PIGN: variants seen among roughly 807,000 people sequenced by gnomAD.
PIGN encodes the protein GPI ethanolamine phosphate transferase 1.
A neutral mutation model predicts 125.4 loss-of-function variants in PIGN; 117 were observed. The observed-to-expected ratio is 0.93, with a 90% CI of 0.80 to 1.09. The LOEUF is 1.09. Among genes scored for constraint, PIGN ranks in the 50% least tolerant of loss-of-function variants. The pLI is 0.00. For missense variants in PIGN, 1,075 were observed against 1,094.9 expected (o/e 0.98, Z 0.26); for synonymous variants, 392 against 377.8 (o/e 1.04, Z -0.44).
chr18:62,065,722 C>A (rs575142572), intron 30 of PIGN, among the ~76,000 whole-genome samples: 1 of 151,414 alleles, frequency 6.6e-6, no homozygotes, highest in Non-Finnish European at 1.5e-5. Context: ...GGTGACAGAG[C>A]GAGACTCCGT....
intron 1 of PIGN, among the ~76,000 whole-genome samples, chr18:62,182,962 T>C (rs1371753598): frequency 6.6e-6 from 1 of 152,172 alleles, no homozygotes; most frequent in Non-Finnish European, 1.5e-5. Flanking sequence ...GGGGCAATTG[T>C]AGAGATACTG....
At chr18:62,078,502 T>A (rs955462853) in intron 28 of PIGN, among the ~76,000 whole-genome samples, 1 of 152,318 alleles carries the variant, frequency 6.6e-6, no homozygotes, top group East Asian at 1.9e-4. Context: ...CTACTGACTC[T>A]CAGAGGCCTT....
intron 22 of PIGN, among the ~76,000 whole-genome samples, chr18:62,098,112 C>T (rs2034286183): frequency 6.6e-6 from 1 of 152,196 alleles, no homozygotes; most frequent in South Asian, 2.1e-4. Context: ...ACAATTTCAC[C>T]TATACAATGT....
chr18:62,161,392 G>T lies in PIGN; in HGVS notation c.-32-7C>A. The T allele has an allele frequency of 1.4e-6, 2 of 1,390,768 alleles. No homozygotes were observed. The highest frequency in any genetic ancestry group is 1.2e-5 in the South Asian group (1 of 80,990). The allele number at this position is 1,390,768 out of a possible 1,614,324, so 86.2% of individuals were successfully genotyped here. The stretch of plus-strand genomic sequence containing the variant: ...AATTAGTCTTCAAGAACAGCTGAAA[G>T]AGAGAACAAAATTAAATTGGGGTAA... On this transcript the variant is annotated splice_polypyrimidine_tract_variant and splice_region_variant and intron_variant, in intron 3 of 30. Transcript: ENST00000640252.
chr18:62,177,608 T>C (rs1477944771), intron 1 of PIGN, among the ~76,000 whole-genome samples: 2 of 152,226 alleles, frequency 1.3e-5, no homozygotes, highest in Non-Finnish European at 2.9e-5. Context: ...TAACTTTCTG[T>C]TGAAATTTAT....
intron 7 of PIGN, among the ~76,000 whole-genome samples, chr18:62,149,174 G>T (rs2036442045): frequency 6.6e-6 from 1 of 152,000 alleles, no homozygotes; most frequent in Non-Finnish European, 1.5e-5. Flanking sequence ...ACAAAAGTCT[G>T]AAGTATTTAA....
At chr18:62,143,443 G>A in intron 10 of PIGN, 97 bp from the exon 11 acceptor site, 2 of 738,928 alleles carry the variant, frequency 2.7e-6, no homozygotes, top group Non-Finnish European at 2.4e-6. Flanking sequence ...GGAAAACATA[G>A]GTGTTAGAAA....
chr18:62,185,119 T>C (rs1425692535), intron 1 of PIGN, among the ~76,000 whole-genome samples: 1 of 152,212 alleles, frequency 6.6e-6, no homozygotes, highest in Non-Finnish European at 1.5e-5. Context: ...GGAAATATTG[T>C]ATATAAACAA....
At chr18:62,100,423 C>T (rs995818588) in intron 22 of PIGN, among the ~76,000 whole-genome samples, 3 of 152,040 alleles carry the variant, frequency 2.0e-5, no homozygotes, top group African/African-American at 7.2e-5. Flanking sequence ...ACCCAAACAA[C>T]AAAAATCATC....
intron 30 of PIGN, among the ~76,000 whole-genome samples, chr18:62,053,748 A>G (rs2031503071): frequency 6.6e-6 from 1 of 152,218 alleles, no homozygotes; most frequent in South Asian, 2.1e-4. Flanking sequence ...CTATCAAACA[A>G]CAAGATTTAA....
At position 62,043,421 on chromosome 18, in the gene PIGN, C is replaced by T. The variant is rs1376004129; in HGVS notation, c.*2435G>A. ...TCCACCAAAACAAGTGTAAAAAGGTCGCAGGAGGGGAGGAGGATTGACACT... is the reference window on the plus strand; with the variant it reads ...TCCACCAAAACAAGTGTAAAAAGGTTGCAGGAGGGGAGGAGGATTGACACT... On this transcript the variant is annotated 3_prime_UTR_variant, in exon 31 of 31. Transcript: ENST00000640252. 8 of 152,108 alleles carry T rather than the reference C, an allele frequency of 5.3e-5. No homozygotes were observed. The highest frequency in any genetic ancestry group is 2.9e-5 in the Non-Finnish European group (2 of 67,998). The allele number at this position is 152,108 out of a possible 1,614,324, so 9.4% of individuals were successfully genotyped here. A position where few individuals can be genotyped will look rare whatever the true frequency, so the allele number is the denominator to read the frequency against.
rs372339870 is a variant in PIGN at position 62,090,557 on chromosome 18, T to G, written c.2202A>C (p.Leu734=). Residue 734 remains leucine (L), a synonymous_variant, in exon 24 of 31, where the codon CTA becomes CTC. Transcript: ENST00000640252. ...LSTGYEALFP[L]VLSCLMFVWI... is the part of the protein sequence containing the mutation. ...AGACAAACATCAAACAAGACAACAC[T>G]AGTGGAAAGAGAGCTTCATACCTAA... 2.4e-5 allele frequency: 38 copies of G among 1,607,072 alleles called. No individual in the cohort carries two copies. The highest frequency in any genetic ancestry group is 3.1e-5 in the Non-Finnish European group (36 of 1,174,620).
chr18:62,050,009 T>C (rs2031134028), intron 30 of PIGN, among the ~76,000 whole-genome samples: 5 of 151,794 alleles, frequency 3.3e-5, no homozygotes, highest in Admixed American at 3.3e-4. Flanking sequence ...CAGATAGTTG[T>C]AGATATGTGG....
intron 23 of PIGN, among the ~76,000 whole-genome samples, chr18:62,024,060 G>A (rs1429525215): frequency 6.6e-6 from 1 of 152,180 alleles, no homozygotes; most frequent in Non-Finnish European, 1.5e-5. Flanking sequence ...ACAGAGGGCA[G>A]CTAAAAGTAG....
At chr18:62,036,743 G>T (rs921606999), downstream of PIGN, among the ~76,000 whole-genome samples, 7 of 152,152 alleles carry the variant, frequency 4.6e-5, no homozygotes, top group Non-Finnish European at 8.8e-5. Flanking sequence ...CATAGGCCCT[G>T]AAAGAATCCT....
At chr18:62,038,308 G>GTT (rs34436733), downstream of PIGN, among the ~76,000 whole-genome samples, 29,192 of 118,814 alleles carry the variant, frequency 0.25, 4,485 homozygotes, top group East Asian at 0.5. Flanking sequence ...CCCCCTCCGT[G>GTT]TTTTTTTTTT....
chr18:62,049,906 C>T (rs1164933229), intron 30 of PIGN, among the ~76,000 whole-genome samples: 4 of 148,590 alleles, frequency 2.7e-5, no homozygotes, highest in Non-Finnish European at 4.5e-5. Flanking sequence ...CCAGTTTCAG[C>T]TTTCTACATA....
chr18:62,071,556 G>GC (rs1248234779), intron 30 of PIGN, among the ~76,000 whole-genome samples: 2 of 152,030 alleles, frequency 1.3e-5, no homozygotes, highest in Admixed American at 6.5e-5. Flanking sequence ...AAGAACTTCT[G>GC]CGTGAGTGTA....
Position 62,045,901 on chromosome 18 carries a change from C to A in PIGN, c.2751G>T (p.Thr917=), listed in dbSNP as rs200481058. The A allele has an allele frequency of 5.2e-4, 832 of 1,613,784 alleles. 2 individuals are homozygous for A. In the African/African-American group the frequency reaches 6.1e-3, roughly 12 times the overall value. The change falls in exon 31 of 31, where the codon ACG becomes ACT. Residue 917 remains threonine, a synonymous_variant. Coordinates refer to ENST00000640252, the MANE Select transcript of PIGN (RefSeq NM_176787.5). ...GTTTGCCACATAGTCTGAGTTTCTT[C>A]GTTGTGAGCAGCTGGGCCAGGCCAT... ...FLNGLAQLLT[T]KKLRLCGKPK...
Sources: allele counts gnomAD v4.1 joint callset (sites outside exome capture counted in the v4.1 genomes callset), GRCh38; gene constraint gnomAD v4.1.1; transcripts MANE v1.5; gene names NCBI Gene and HGNC (gene_info 2026-07-23, HGNC 2026-07-21).